PRKAB2: variants seen among roughly 807,000 people sequenced by gnomAD.
PRKAB2 encodes 5'-AMP-activated protein kinase subunit beta-2.
Under a neutral mutation model 29.8 loss-of-function variants are expected in PRKAB2, and 18 were observed. The ratio of observed to expected loss-of-function variants is 0.60; its 90% confidence interval spans 0.42 to 0.89. The LOEUF is 0.89. PRKAB2 is among the 40% of genes least tolerant of loss of function. PRKAB2 has a pLI of 0.00. For synonymous variants in PRKAB2, 136 were observed against 125.9 expected, an observed-to-expected ratio of 1.08 and a Z score of -0.54; for missense variants, 270 against 344.3, an observed-to-expected ratio of 0.78 and a Z score of 1.71.
chr1:147,159,563 C>A lies in PRKAB2; in HGVS notation c.*2G>T. ...AATCCTTAGAGGCAAGAAGGGATCC[C>A]TTCAAATGGGCTTGTATAGCAGAGT... On this transcript the variant is annotated 3_prime_UTR_variant, in exon 8 of 8. Coordinates refer to ENST00000254101, the MANE Select transcript of PRKAB2 (RefSeq NM_005399.5). The A allele has an allele frequency of 6.2e-7, 1 of 1,612,680 alleles. No homozygotes were observed. Among genetic ancestry groups the A allele is most frequent in the Non-Finnish European group, 8.5e-7 (1 of 1,178,984 alleles).
At chr1:147,162,378 G>A in intron 6 of PRKAB2, 62 bp downstream of exon 6, 2 of 1,488,488 alleles carry the variant, frequency 1.3e-6, no homozygotes, top group South Asian at 2.5e-5. Context: ...TAGGATTACT[G>A]AACTTTGGTC....
At chr1:147,169,010 G>C (rs1654386787) in intron 2 of PRKAB2, among the ~76,000 whole-genome samples, 1 of 152,204 alleles carries the variant, frequency 6.6e-6, no homozygotes, top group Non-Finnish European at 1.5e-5. Context: ...GGCTACAGTG[G>C]CAGAATTGCG....
chr1:147,161,104 C>T (rs1426462723), intron 7 of PRKAB2, among the ~76,000 whole-genome samples: 2 of 152,080 alleles, frequency 1.3e-5, no homozygotes, highest in Non-Finnish European at 2.9e-5. Flanking sequence ...GGTTTGATAA[C>T]TGCAGAGCTA....
At chr1:147,162,803 G>T (rs1553913237) in intron 5 of PRKAB2, among the ~76,000 whole-genome samples, 1 of 152,104 alleles carries the variant, frequency 6.6e-6, no homozygotes, top group East Asian at 1.9e-4. Flanking sequence ...GACAGACAAA[G>T]ATATAAAGAC....
chr1:147,158,269 T>A lies in PRKAB2; in HGVS notation c.*1296A>T, dbSNP rs1653771267. ...AGGCAGGAGAACAAAATGATTTTGTTAACATTTGGTGCAAAGAATGATACT... is the reference window on the plus strand; with the variant it reads ...AGGCAGGAGAACAAAATGATTTTGTAAACATTTGGTGCAAAGAATGATACT... On this transcript the variant is annotated 3_prime_UTR_variant, in exon 8 of 8. Transcript: ENST00000254101. 1 of 152,150 alleles carries A rather than the reference T, an allele frequency of 6.6e-6. No homozygotes were observed. The highest frequency in any genetic ancestry group is 2.4e-5 in the African/African-American group (1 of 41,444). 9.4% of individuals were successfully genotyped at this position (152,150 alleles called of 1,614,324 possible). A position where few individuals can be genotyped will look rare whatever the true frequency, so the allele number is the denominator to read the frequency against.
chr1:147,168,888 C>T (rs1571066395), intron 2 of PRKAB2, among the ~76,000 whole-genome samples: 3 of 152,178 alleles, frequency 2.0e-5, no homozygotes, highest in Non-Finnish European at 2.9e-5. Context: ...ACTGCAGCCT[C>T]GAACTCCTGG....
rs1249894033 is a variant in PRKAB2, at chr1:147,158,497, T to A, written c.*1068A>T. ...GCTAGACTAGAGAAGAAAATCTCTT[T>A]GAAGAAGCATTTATCAAAAGCCTGA... On this transcript the variant is annotated 3_prime_UTR_variant, in exon 8 of 8. Coordinates refer to ENST00000254101, the MANE Select transcript of PRKAB2 (RefSeq NM_005399.5). 1 of 152,110 alleles carries A rather than the reference T, an allele frequency of 6.6e-6. No homozygotes were observed. The highest frequency in any genetic ancestry group is 2.4e-5 in the African/African-American group (1 of 41,410). 9.4% of individuals were successfully genotyped at this position (152,110 alleles called of 1,614,324 possible). A position where few individuals can be genotyped will look rare whatever the true frequency, so the allele number is the denominator to read the frequency against.
At chr1:147,169,924 T>C (rs1654434648) in intron 2 of PRKAB2, among the ~76,000 whole-genome samples, 1 of 152,220 alleles carries the variant, frequency 6.6e-6, no homozygotes, top group African/African-American at 2.4e-5. Context: ...CCACTGTTTC[T>C]GTCAGTTACT....
intron 5 of PRKAB2, among the ~76,000 whole-genome samples, chr1:147,164,789 T>C (rs1436284539): frequency 6.6e-6 from 1 of 152,216 alleles, no homozygotes; most frequent in Non-Finnish European, 1.5e-5. Context: ...ATTGGGAAAT[T>C]AGGAGAAAGG....
In PRKAB2 at chr1:147,159,521, G is replaced by C. The variant is rs375182207; in HGVS notation, c.*44C>G. On this transcript the variant is annotated 3_prime_UTR_variant, in exon 8 of 8. Coordinates refer to ENST00000254101, the MANE Select transcript of PRKAB2 (RefSeq NM_005399.5). ...AGACTGGTTCAGTCCAGAAATGCAAGGGAGATGCTTCTCCTGAATCCTTAG... is the reference window on the plus strand; with the variant it reads ...AGACTGGTTCAGTCCAGAAATGCAACGGAGATGCTTCTCCTGAATCCTTAG... 1 of 1,550,080 alleles carries C rather than the reference G, an allele frequency of 6.5e-7. No individual in the cohort carries two copies. The highest frequency in any genetic ancestry group is 8.9e-7 in the Non-Finnish European group (1 of 1,123,580).
At chr1:147,160,921 A>T (rs1031170120) in intron 7 of PRKAB2, 1 of 152,168 alleles carries the variant, frequency 6.6e-6, no homozygotes, top group Non-Finnish European at 1.5e-5. Flanking sequence ...TGTACCACAT[A>T]GTTTGTTAGC....
rs782363488 is a variant in PRKAB2 at position 147,171,994 on chromosome 1, A to G, written c.151T>C (p.Ser51Pro). The change falls in exon 2 of 8, where the codon TCC becomes CCC. Residue 51 changes from serine to proline, a missense_variant. Transcript: ENST00000254101. ...DDPSVFSLPDSKLPGDKEFVS... is the reference protein window; with the variant it reads ...DDPSVFSLPDPKLPGDKEFVS... ...TGCGGGCATGGGACGCTTACCTTGG[A>G]GTCAGGGAGGCTGAACACGCTGGGG... is the stretch of plus-strand genomic sequence containing the variant. 4 of 1,601,230 alleles carry G rather than the reference A, an allele frequency of 2.5e-6. No individual in the cohort carries two copies. The Admixed American group carries it at 6.8e-5, about 27-fold the overall frequency.
At chr1:147,172,194 G>A (rs1654676858) in intron 1 of PRKAB2, 27 bp from the exon 2 acceptor site, 1 of 1,499,338 alleles carries the variant, frequency 6.7e-7, no homozygotes, top group Admixed American at 2.1e-5. Context: ...CACCGGGCTG[G>A]GAACACCTCA....
At position 147,159,387 on chromosome 1, in the gene PRKAB2, A is replaced by G. The variant is rs1420837784; in HGVS notation, c.*178T>C. 1.8e-6 allele frequency: 1 copy of G among 541,222 alleles called. No individual in the cohort carries two copies. Among genetic ancestry groups the G allele is most frequent in the Non-Finnish European group, 3.3e-6 (1 of 303,950 alleles). The allele number at this position is 541,222 out of a possible 1,614,324, so 33.5% of individuals were successfully genotyped here. ...TTTTTTCTTAAAATAAATTCCGTGAACTCATAAAGCTCTCATCTGCAATCA... is the reference window on the plus strand; with the variant it reads ...TTTTTTCTTAAAATAAATTCCGTGAGCTCATAAAGCTCTCATCTGCAATCA... On this transcript the variant is annotated 3_prime_UTR_variant, in exon 8 of 8. Transcript: ENST00000254101.
At chr1:147,168,022 C>T in intron 2 of PRKAB2, 89 bp from the exon 3 acceptor site, 1 of 1,386,724 alleles carries the variant, frequency 7.2e-7, no homozygotes, top group Non-Finnish European at 9.7e-7. Flanking sequence ...GAGAAGGGTG[C>T]TAGGCTTTGG....
In PRKAB2 at chr1:147,166,546, C is replaced by T. The variant is rs2101626007; in HGVS notation, c.490G>A (p.Asp164Asn). The T allele has an allele frequency of 1.9e-6, 3 of 1,613,886 alleles. No homozygotes were observed. The highest frequency in any genetic ancestry group is 1.1e-5 in the South Asian group (1 of 91,082). ...HVKKSDFEVF[D>N]ALKLDSMESS... ...TCCATAGAATCTAACTTTAAAGCAT[C>T]GAACACCTCAAAATCAGATTTCTTG... Residue 164 changes from aspartate (D) to asparagine (N), a missense_variant, in exon 5 of 8, where the codon GAT becomes AAT. By Grantham distance (23) the Asp-to-Asn change is conservative. Around this residue, in one of 2 missense-constraint regions of PRKAB2, gnomAD observed 228 missense variants for 255.5 expected, o/e 0.89. Coordinates refer to ENST00000254101, the MANE Select transcript of PRKAB2 (RefSeq NM_005399.5).
At chr1:147,164,558 C>T (rs6593738) in intron 5 of PRKAB2, among the ~76,000 whole-genome samples, 87,293 of 152,052 alleles carry the variant, frequency 0.57, 27,892 homozygotes, top group East Asian at 0.86. Flanking sequence ...AACTTGAAAC[C>T]TTACAAAGTA....
At chr1:147,162,674 A>G (rs1357100851) in intron 5 of PRKAB2, 101 bp from the exon 6 acceptor site, 9 of 1,241,476 alleles carry the variant, frequency 7.2e-6, no homozygotes, top group Non-Finnish European at 9.9e-6. Context: ...ATATGGTAGA[A>G]GTCCTGGATC....
chr1:147,167,709 A>C (rs782633934), intron 3 of PRKAB2, 58 bp downstream of exon 3: 163 of 1,555,406 alleles, frequency 1.0e-4, no homozygotes, highest in Non-Finnish European at 1.4e-4. Context: ...CTCTCTTCTG[A>C]GAAAAGAAAT....
Sources: allele counts gnomAD v4.1 joint callset (sites outside exome capture counted in the v4.1 genomes callset), GRCh38; gene constraint gnomAD v4.1.1; regional missense constraint gnomAD v4.1.1; transcripts MANE v1.5; gene names NCBI Gene and HGNC (gene_info 2026-07-23, HGNC 2026-07-21).